Variants in ARHGEF10L observed in about 807,000 individuals in gnomAD.
The protein encoded by ARHGEF10L is rho guanine nucleotide exchange factor 10-like protein.
Under a neutral mutation model 141.2 loss-of-function variants are expected in ARHGEF10L, and 69 were observed. The ratio of observed to expected loss-of-function variants is 0.49; its 90% confidence interval spans 0.40 to 0.60. The LOEUF (loss-of-function observed/expected upper bound fraction) is 0.60, where lower values mean the gene tolerates loss of function less well. ARHGEF10L is among the 20% of genes least tolerant of loss of function. The probability of loss-of-function intolerance (pLI) is 0.00; values close to 1 mark genes in which losing one functional copy is unlikely to be tolerated. For synonymous variants in ARHGEF10L, 711 were observed against 718.5 expected (o/e 0.99, Z 0.17); for missense variants, 1,482 against 1,734.3 (o/e 0.85, Z 2.58).
At chr1:17,565,989 A>G (rs952223978) in intron 1 of ARHGEF10L, among the ~76,000 whole-genome samples, 2 of 152,100 alleles carry the variant, frequency 1.3e-5, no homozygotes, top group Non-Finnish European at 2.9e-5. Flanking sequence ...CAAGTACTGT[A>G]GCAGAATGCA....
In ARHGEF10L at chr1:17,602,146, A is replaced by G. The variant is rs982750901; in HGVS notation, c.277A>G (p.Asn93Asp). The G allele has an allele frequency of 5.7e-6, 9 of 1,577,860 alleles. No homozygotes were observed. The highest frequency in any genetic ancestry group is 7.7e-6 in the Non-Finnish European group (9 of 1,161,592). ...PGTGVPAWVS[N>D]GDAADAAFSG... ...CCGCAGGGTGCCAGCCTGGGTGAGC[A>G]ATGGGGATGCAGCGGACGCAGCCTT... The change falls in exon 5 of 29, where the codon AAT (asparagine) becomes GAT (aspartate). Residue 93 changes from asparagine to aspartate, a missense_variant. Asn to Asp is a conservative substitution (Grantham distance 23). Around this residue, in one of 3 missense-constraint regions of ARHGEF10L, gnomAD observed 232 missense variants for 225.9 expected, o/e 1.03. Coordinates refer to ENST00000361221, the MANE Select transcript of ARHGEF10L (RefSeq NM_018125.4).
At chr1:17,666,127 A>G (rs7549380) in intron 26 of ARHGEF10L, among the ~76,000 whole-genome samples, 12,704 of 152,192 alleles carry the variant, frequency 0.083, 1,447 homozygotes, top group African/African-American at 0.25. Flanking sequence ...GCATGACTAA[A>G]CCTACCATTC....
At chr1:17,531,537 A>T in the ARHGEF10L span, among the ~76,000 whole-genome samples, 1 of 152,196 alleles carries the variant, frequency 6.6e-6, no homozygotes, top group African/African-American at 2.4e-5. Flanking sequence ...CAAGTCACTT[A>T]ACCTCTCTGG....
intron 2 of ARHGEF10L, among the ~76,000 whole-genome samples, 186 bp downstream of exon 2, chr1:17,580,818 T>C (rs984541572): frequency 1.3e-5 from 2 of 152,190 alleles, no homozygotes; most frequent in African/African-American, 4.8e-5. Flanking sequence ...AGTAACTTTC[T>C]GCTCACGGAG....
rs939679669 is a variant in ARHGEF10L, at chr1:17,607,290, C to A, written c.434-512C>A. On this transcript the variant is annotated intron_variant, in intron 6 of 28. Coordinates refer to ENST00000361221, the MANE Select transcript of ARHGEF10L (RefSeq NM_018125.4). The surrounding 1 kb of genome is among the most constrained non-coding windows in gnomAD (Gnocchi z 4.5). ...AGGAGCTCAAGACCAGCCTGGGCAA[C>A]ATAACAAGACTCCGTCTCTACAAAA... 2.6e-5 allele frequency among the ~76,000 whole-genome samples: 4 copies of A among 152,132 alleles called. No individual in the cohort carries two copies. The highest frequency in any genetic ancestry group is 4.4e-5 in the Non-Finnish European group (3 of 68,032).
intron 25 of ARHGEF10L, among the ~76,000 whole-genome samples, chr1:17,662,691 T>G (rs1171815091): frequency 6.7e-6 from 1 of 148,990 alleles, no homozygotes. Flanking sequence ...CAGGGTATGG[T>G]AGGGAAGGAT....
rs902081783 is a variant in ARHGEF10L at position 17,625,157 on chromosome 1, A to G, written c.1317+654A>G. On this transcript the variant is annotated intron_variant, in intron 13 of 28. Transcript: ENST00000361221. The surrounding 1 kb of genome is among the most constrained non-coding windows in gnomAD (Gnocchi z 4.5). The stretch of plus-strand genomic sequence containing the variant: ...CCATCAAAGAGAACAGGGGATCAGG[A>G]GGAGCCACCATCTGACATGGGCCCT... Among the ~76,000 whole-genome samples, 1 of 152,212 alleles carries G rather than the reference A, an allele frequency of 6.6e-6. No homozygotes were observed. Among genetic ancestry groups the G allele is most frequent in the Non-Finnish European group, 1.5e-5 (1 of 68,046 alleles).
At position 17,627,639 on chromosome 1, in the gene ARHGEF10L, G is replaced by A; in HGVS notation, c.1584+136G>A. ...GGGGAGGCCTTGCTCTTCCAAGGAT[G>A]TGACCTTGGGGATTGGATCCTCAGC... On this transcript the variant is annotated intron_variant, in intron 15 of 28. Transcript: ENST00000361221. This position sits in a 1 kb window ranked among gnomAD's most constrained non-coding sequence, Gnocchi z 4.0. The A allele has an allele frequency of 9.2e-7, 1 of 1,081,296 alleles. No homozygotes were observed. The highest frequency in any genetic ancestry group is 1.3e-6 in the Non-Finnish European group (1 of 767,070). 67.0% of individuals were successfully genotyped at this position (1,081,296 alleles called of 1,614,324 possible).
chr1:17,696,077 G>A (rs998516422), intron 28 of ARHGEF10L, among the ~76,000 whole-genome samples: 2 of 152,044 alleles, frequency 1.3e-5, no homozygotes, highest in African/African-American at 2.4e-5. Flanking sequence ...GCTGGGCATG[G>A]CGGTGTGCGC....
chr1:17,624,357 T>C (rs769667099), intron 12 of ARHGEF10L, 30 bp from the exon 13 acceptor site: 121 of 1,561,490 alleles, frequency 7.7e-5, no homozygotes, highest in Non-Finnish European at 3.5e-6. Flanking sequence ...ATTGAGGCGG[T>C]CTCCCTGGCC....
chr1:17,624,279 C>T, intron 12 of ARHGEF10L, 108 bp from the exon 13 acceptor site: 2 of 812,460 alleles, frequency 2.5e-6, no homozygotes, highest in Non-Finnish European at 4.3e-6. Context: ...AGTGCAGGCG[C>T]CCTTCTGCTC....
chr1:17,527,253 G>A, the ARHGEF10L span, among the ~76,000 whole-genome samples: 2 of 152,226 alleles, frequency 1.3e-5, no homozygotes, highest in Non-Finnish European at 2.9e-5. Context: ...CCCCAGAACC[G>A]GGTGGCTGGC....
intron 25 of ARHGEF10L, among the ~76,000 whole-genome samples, chr1:17,663,876 A>G (rs2062800424): frequency 6.6e-6 from 1 of 152,210 alleles, no homozygotes; most frequent in Non-Finnish European, 1.5e-5. Context: ...GGTCCAGGAC[A>G]CTTTCCACCA....
intron 22 of ARHGEF10L, among the ~76,000 whole-genome samples, chr1:17,652,651 C>A (rs990196687): frequency 3.3e-5 from 5 of 151,996 alleles, no homozygotes; most frequent in Non-Finnish European, 5.9e-5. Flanking sequence ...CTTCTTGGAC[C>A]CCTGGCTCCA....
chr1:17,523,401 A>C, the ARHGEF10L span, among the ~76,000 whole-genome samples: 1 of 151,628 alleles, frequency 6.6e-6, no homozygotes. Flanking sequence ...CCATTGCTAC[A>C]TTTTCATTTA....
At chr1:17,521,651 C>T in the ARHGEF10L span, among the ~76,000 whole-genome samples, 8 of 152,152 alleles carry the variant, frequency 5.3e-5, no homozygotes, top group Non-Finnish European at 1.0e-4. Context: ...TATTTTACAG[C>T]GGAGGAAACA....
intron 1 of ARHGEF10L, among the ~76,000 whole-genome samples, chr1:17,549,900 TATG>T (rs2077049008): frequency 6.6e-6 from 1 of 152,140 alleles, no homozygotes. Flanking sequence ...GGTACAAAGA[TATG>T]GTGAAGTTTT....
chr1:17,589,338 T>C (rs12404333), intron 4 of ARHGEF10L, among the ~76,000 whole-genome samples: 43,266 of 152,068 alleles, frequency 0.28, 6,491 homozygotes, highest in Admixed American at 0.41. Context: ...ACCAGGTGTT[T>C]AGAGCCTCCT....
At chr1:17,526,071 C>T in the ARHGEF10L span, among the ~76,000 whole-genome samples, 8 of 152,108 alleles carry the variant, frequency 5.3e-5, no homozygotes, top group East Asian at 1.4e-3. Context: ...ATAACTCCCC[C>T]ACTCCCCATC....
Sources: allele counts gnomAD v4.1 joint callset (sites outside exome capture counted in the v4.1 genomes callset), GRCh38; gene constraint gnomAD v4.1.1; regional missense constraint gnomAD v4.1.1; non-coding constraint Gnocchi (gnomAD v3.1); transcripts MANE v1.5; gene names NCBI Gene and HGNC (gene_info 2026-07-23, HGNC 2026-07-21).